ZBTB8OS: variants seen among roughly 807,000 people sequenced by gnomAD.
The protein encoded by ZBTB8OS is tRNA splicing ligase complex subunit 1.
A neutral mutation model predicts 29.3 loss-of-function variants in ZBTB8OS; 16 were observed. The observed-to-expected ratio is 0.55, with a 90% CI of 0.37 to 0.83. The LOEUF (loss-of-function observed/expected upper bound fraction) is 0.83. Ranked by LOEUF, ZBTB8OS falls within the 40% of genes least tolerant of loss-of-function variation. The probability of loss-of-function intolerance (pLI) is 0.00; values close to 1 mark genes in which losing one functional copy is unlikely to be tolerated. For missense variants in ZBTB8OS, 160 were observed against 196.9 expected (o/e 0.81, Z 1.12); for synonymous variants, 70 against 64.6 (o/e 1.08, Z -0.40).
intron 5 of ZBTB8OS, among the ~76,000 whole-genome samples, chr1:32,628,049 A>T (rs532837682): frequency 2.9e-4 from 44 of 152,022 alleles, no homozygotes; most frequent in Middle Eastern, 3.4e-3. Context: ...GTTTCAAAAG[A>T]ATTTTTAATT....
chr1:32,642,922 C>T (rs1175680350), intron 1 of ZBTB8OS, among the ~76,000 whole-genome samples: 2 of 145,776 alleles, frequency 1.4e-5, no homozygotes, highest in African/African-American at 2.6e-5. Context: ...AGTCACGCGC[C>T]ACCACGCACG....
At chr1:32,634,435 C>T in intron 2 of ZBTB8OS, 2 of 361,714 alleles carry the variant, frequency 5.5e-6, no homozygotes, top group South Asian at 6.5e-5. Context: ...CCATGTTGGT[C>T]AGGCTGGTCT....
chr1:32,627,592 A>G (rs1349949451), intron 5 of ZBTB8OS, 48 bp from the exon 6 acceptor site: 2 of 1,569,078 alleles, frequency 1.3e-6, no homozygotes, highest in Admixed American at 1.7e-5. Context: ...CTCTCTTTAT[A>G]TGTTTTAAAA....
At chr1:32,642,663 T>C (rs1646501803) in intron 1 of ZBTB8OS, among the ~76,000 whole-genome samples, 2 of 149,378 alleles carry the variant, frequency 1.3e-5, no homozygotes, top group African/African-American at 2.5e-5. Flanking sequence ...GAAACATTTG[T>C]CTTCTATTGT....
At chr1:32,626,963 T>C (rs1197191234) in intron 6 of ZBTB8OS, among the ~76,000 whole-genome samples, 2 of 152,214 alleles carry the variant, frequency 1.3e-5, no homozygotes, top group Non-Finnish European at 2.9e-5. Flanking sequence ...TTTACTAGAA[T>C]ACAAGTGAAC....
chr1:32,624,747 A>G (rs1408482021), intron 6 of ZBTB8OS, among the ~76,000 whole-genome samples: 1 of 151,530 alleles, frequency 6.6e-6, no homozygotes, highest in Non-Finnish European at 1.5e-5. Context: ...TACAAAAATT[A>G]GCCGGCTGTG....
rs1411373178 is a variant in ZBTB8OS at position 32,621,280 on chromosome 1, TC to T, written c.*581del. On this transcript the variant is annotated 3_prime_UTR_variant, in exon 7 of 7. Transcript: ENST00000468695. ...CGGGCATGGTGGCGGGTGCCTATAG[TC>T]CCAGCTACTCGGGAGGCTGAGGTAG... 2.0e-5 allele frequency: 3 copies of T among 152,034 alleles called. No individual in the cohort carries two copies. The highest frequency in any genetic ancestry group is 7.3e-5 in the African/African-American group (3 of 41,250). The allele number at this position is 152,034 out of a possible 1,614,324, so 9.4% of individuals were successfully genotyped here. A position where few individuals can be genotyped will look rare whatever the true frequency, so the allele number is the denominator to read the frequency against.
chr1:32,629,012 A>G (rs983567987), intron 5 of ZBTB8OS, among the ~76,000 whole-genome samples: 6 of 152,186 alleles, frequency 3.9e-5, no homozygotes, highest in African/African-American at 1.4e-4. Flanking sequence ...AATGTGCCCC[A>G]ATATAGTGTA....
In ZBTB8OS at chr1:32,620,859, T is replaced by C. The variant is rs1481669307; in HGVS notation, c.*1003A>G. The C allele has an allele frequency of 6.7e-6, 1 of 149,502 alleles. No homozygotes were observed. Among genetic ancestry groups the C allele is most frequent in the Admixed American group, 6.6e-5 (1 of 15,140 alleles). The allele number at this position is 149,502 out of a possible 1,614,324, so 9.3% of individuals were successfully genotyped here. A position where few individuals can be genotyped will look rare whatever the true frequency, so the allele number is the denominator to read the frequency against. ...TCCTTTTATTCTCTAGTTATAAACA[T>C]GTACTCACTTTCAAATAAAATTCTA... On this transcript the variant is annotated 3_prime_UTR_variant, in exon 7 of 7. Transcript: ENST00000468695.
At chr1:32,630,906 G>A (rs865906765) in intron 5 of ZBTB8OS, among the ~76,000 whole-genome samples, 4 of 151,906 alleles carry the variant, frequency 2.6e-5, no homozygotes, top group Non-Finnish European at 4.4e-5. Context: ...TCAGCTACTC[G>A]GGAGGCTGAG....
At chr1:32,643,008 T>C (rs1327562679) in intron 1 of ZBTB8OS, among the ~76,000 whole-genome samples, 2 of 146,388 alleles carry the variant, frequency 1.4e-5, no homozygotes, top group Non-Finnish European at 3.0e-5. Flanking sequence ...TGACCTCAGG[T>C]GATCTGCGGG....
chr1:32,650,476 C>A lies in ZBTB8OS; in HGVS notation c.54G>T (p.Lys18Asn). 1.2e-6 allele frequency: 2 copies of A among 1,614,172 alleles called. No homozygotes were observed. Among genetic ancestry groups the A allele is most frequent in the South Asian group, 2.2e-5 (2 of 91,084 alleles). The change falls in exon 1 of 7, where the codon AAG becomes AAT. Residue 18 changes from lysine to asparagine, a missense_variant. Physicochemically the swap from Lys to Asn is moderately conservative, Grantham distance 94. Coordinates refer to ENST00000468695, the MANE Select transcript of ZBTB8OS (RefSeq NM_178547.5). Reference protein sequence around the residue: ...VRDYNLTEEQKAIKAKYPPVN... With the variant: ...VRDYNLTEEQNAIKAKYPPVN... Reference sequence around the variant, plus strand: ...CTGGCGGATACTTGGCCTTGATCGCCTTCTGTTCTTCAGTCAAATTGTAAT... The same window carrying A: ...CTGGCGGATACTTGGCCTTGATCGCATTCTGTTCTTCAGTCAAATTGTAAT...
intron 5 of ZBTB8OS, 83 bp downstream of exon 5, chr1:32,631,744 A>ATGTTTCCATC: frequency 9.2e-7 from 1 of 1,086,502 alleles, no homozygotes; most frequent in Non-Finnish European, 1.4e-6. Context: ...CCTCTGATTT[A>ATGTTTCCATC]TGTTTCCATC....
chr1:32,631,771 G>T, intron 5 of ZBTB8OS, 56 bp downstream of exon 5: 1 of 1,304,302 alleles, frequency 7.7e-7, no homozygotes, highest in South Asian at 1.3e-5. Context: ...CTTGCTCATT[G>T]AATTCAATGA....
chr1:32,637,376 G>A (rs2148402381), intron 1 of ZBTB8OS, among the ~76,000 whole-genome samples: 1 of 151,560 alleles, frequency 6.6e-6, no homozygotes, highest in African/African-American at 2.4e-5. Flanking sequence ...AGCCTGGCCA[G>A]TATGATGAAA....
chr1:32,650,690 C>T (rs916550335), upstream of ZBTB8OS: 1 of 1,313,606 alleles, frequency 7.6e-7, no homozygotes, highest in Admixed American at 2.3e-5. Context: ...TACCCTGCCG[C>T]TTGGATCGCA....
At chr1:32,625,330 C>G (rs1040020173) in intron 6 of ZBTB8OS, among the ~76,000 whole-genome samples, 1 of 151,858 alleles carries the variant, frequency 6.6e-6, no homozygotes, top group Non-Finnish European at 1.5e-5. Context: ...CTCAGGAGTT[C>G]GAGATCAGCC....
In ZBTB8OS at chr1:32,631,854, T is replaced by G; in HGVS notation, c.353A>C (p.Gln118Pro). The part of the protein sequence containing the change: ...PREVKVLSID[Q>P]RNFKLRSIGW... The stretch of plus-strand genomic sequence containing the variant: ...AATTGATCGTAATTTGAAATTTCTT[T>G]GATCAATGCTAAGTACTTTCACTTC... The change falls in exon 5 of 7, where the codon CAA (glutamine) becomes CCA (proline). Residue 118 changes from glutamine (Q) to proline (P), a missense_variant. Transcript: ENST00000468695. 1.3e-6 allele frequency: 2 copies of G among 1,596,862 alleles called. No individual in the cohort carries two copies. The highest frequency in any genetic ancestry group is 1.7e-6 in the Non-Finnish European group (2 of 1,171,760).
chr1:32,641,265 G>GTTTTTTT (rs1160526101), intron 1 of ZBTB8OS, among the ~76,000 whole-genome samples: 1 of 97,266 alleles, frequency 1.0e-5, no homozygotes, highest in South Asian at 3.7e-4. Context: ...AATTACACAA[G>GTTTTTTT]TTTTTTTTTT....
Sources: gnomAD v4.1 joint callset for allele counts (sites outside exome capture counted in the v4.1 genomes callset) on GRCh38, gnomAD v4.1.1 for gene constraint, MANE v1.5 for transcripts, NCBI Gene and HGNC (gene_info 2026-07-23, HGNC 2026-07-21) for gene names.